The following TRIM38 variants were observed in gnomAD, a reference collection of about 807,000 sequenced individuals.
TRIM38 encodes the protein E3 ubiquitin-protein ligase TRIM38.
In TRIM38, 35 loss-of-function variants were observed where a neutral mutation model predicts 35.8. The ratio of observed to expected loss-of-function variants is 0.98; its 90% CI spans 0.75 to 1.30. The LOEUF is 1.30. TRIM38 is among the 50% of genes most tolerant of loss of function. The probability of loss-of-function intolerance (pLI) is 0.00; values close to 1 mark genes in which losing one functional copy is unlikely to be tolerated. For missense variants in TRIM38, 545 were observed against 556.9 expected (o/e 0.98, Z 0.21); for synonymous variants, 198 against 204.7 (o/e 0.97, Z 0.28).
intron 4 of TRIM38, among the ~76,000 whole-genome samples, chr6:25,970,113 T>C (rs1760184712): frequency 6.6e-6 from 1 of 152,000 alleles, no homozygotes; most frequent in African/African-American, 2.4e-5. Context: ...AGACGGGGTT[T>C]CACCATGTTG....
At chr6:25,963,646 T>C (rs532097533) in intron 2 of TRIM38, among the ~76,000 whole-genome samples, 199 of 152,290 alleles carry the variant, frequency 1.3e-3, no homozygotes, top group African/African-American at 4.6e-3. Context: ...CCCATAGAAA[T>C]AACTGCTCCT....
rs764238225 is a variant in TRIM38 at position 25,966,570 on chromosome 6, C to CT, written c.49dup (p.Ser17PhefsTer29). On this transcript the variant is annotated frameshift_variant, in exon 3 of 8. Transcript: ENST00000357085. LOFTEE classifies it high-confidence loss of function. ...AGAAGATGATGGAGGAAGCCACCTG[C>CT]TCCATCTGCCTGAGCCTGATGACGA... 3.7e-6 allele frequency: 6 copies of CT among 1,613,960 alleles called. No individual in the cohort carries two copies. The South Asian group carries it at 6.6e-5, about 18-fold the overall frequency.
intron 5 of TRIM38, 130 bp downstream of exon 5, chr6:25,972,229 C>T: frequency 1.2e-6 from 1 of 807,436 alleles, no homozygotes; most frequent in Non-Finnish European, 1.9e-6. Context: ...GGCTGGCCTT[C>T]ACTAATTTAT....
chr6:25,983,058 C>T, intron 7 of TRIM38, 106 bp from the exon 8 acceptor site: 3 of 1,170,474 alleles, frequency 2.6e-6, no homozygotes, highest in Non-Finnish European at 3.5e-6. Flanking sequence ...CAGTGCACTC[C>T]AGCCTGGGTG....
In TRIM38 at chr6:25,985,370, C is replaced by T. The variant is rs1238568215; in HGVS notation, c.*1683C>T. The T allele has an allele frequency of 6.7e-6, 1 of 150,328 alleles. No homozygotes were observed. The highest frequency in any genetic ancestry group is 1.5e-5 in the Non-Finnish European group (1 of 67,792). The allele number at this position is 150,328 out of a possible 1,614,324, so 9.3% of individuals were successfully genotyped here. ...TGCACTAGAAACTCAAAGTCCTTTT[C>T]GTCTTCCTTGTCACTTAAAAAATGT... is the stretch of plus-strand genomic sequence containing the variant. On this transcript the variant is annotated 3_prime_UTR_variant, in exon 8 of 8. Coordinates refer to ENST00000357085, the MANE Select transcript of TRIM38 (RefSeq NM_006355.5).
chr6:25,975,682 G>A, intron 7 of TRIM38: 1 of 977,932 alleles, frequency 1.0e-6, no homozygotes, highest in Non-Finnish European at 1.2e-6. Context: ...TCTAGGTAGG[G>A]TGATCTATAT....
intron 3 of TRIM38, among the ~76,000 whole-genome samples, chr6:25,968,988 G>A (rs1424987218): frequency 6.6e-6 from 1 of 152,208 alleles, no homozygotes; most frequent in Non-Finnish European, 1.5e-5. Context: ...CTCTAGTGGT[G>A]GACATAGCTC....
intron 2 of TRIM38, among the ~76,000 whole-genome samples, chr6:25,963,708 G>A (rs1759923528): frequency 6.6e-6 from 1 of 152,090 alleles, no homozygotes; most frequent in Non-Finnish European, 1.5e-5. Context: ...TATTCCCTCA[G>A]TTTAGGGAGA....
Position 25,971,938 on chromosome 6 carries a change from G to A in TRIM38, c.577G>A (p.Glu193Lys), listed in dbSNP as rs1436910564. 1 of 1,614,156 alleles carries A rather than the reference G, an allele frequency of 6.2e-7. No individual in the cohort carries two copies. The highest frequency in any genetic ancestry group is 8.5e-7 in the Non-Finnish European group (1 of 1,180,020). The change falls in exon 5 of 8, where the codon GAA becomes AAA. Residue 193 changes from glutamate (E) to lysine (K), a missense_variant. Coordinates refer to ENST00000357085, the MANE Select transcript of TRIM38 (RefSeq NM_006355.5). The part of the protein sequence containing the change: ...FKNLQCFLHE[E>K]EKSYLWRLEK... ...GAATCTCCAGTGTTTCCTACATGAG[G>A]AAGAGAAGTCTTATCTCTGGAGGCT...
chr6:25,969,254 T>C (rs1022674763), intron 3 of TRIM38, 71 bp from the exon 4 acceptor site: 27 of 1,105,664 alleles, frequency 2.4e-5, no homozygotes, highest in South Asian at 2.1e-4. Flanking sequence ...TCTTAGAAGA[T>C]TGGGATTCCC....
rs1760762634 is a variant in TRIM38 at position 25,988,095 on chromosome 6, C to CCT, written c.*4411_*4412dup. On this transcript the variant is annotated 3_prime_UTR_variant, in exon 8 of 8. Coordinates refer to ENST00000357085, the MANE Select transcript of TRIM38 (RefSeq NM_006355.5). ...ACAACAGGACATTATCGACTTCTTTCCTCTGTACCTACTCCGAAGTTACCA... is the reference window on the plus strand; with the variant it reads ...ACAACAGGACATTATCGACTTCTTTCCTCTCTGTACCTACTCCGAAGTTACCA... 6.6e-6 allele frequency: 1 copy of CCT among 152,216 alleles called. No homozygotes were observed. The highest frequency in any genetic ancestry group is 1.5e-5 in the Non-Finnish European group (1 of 68,052). 9.4% of individuals were successfully genotyped at this position (152,216 alleles called of 1,614,324 possible).
At chr6:25,967,078 G>T in intron 3 of TRIM38, 145 bp downstream of exon 3, 1 of 938,646 alleles carries the variant, frequency 1.1e-6, no homozygotes, top group Non-Finnish European at 1.5e-6. Context: ...AGTTTATGAT[G>T]ATTTCTTGCT....
At position 25,986,233 on chromosome 6, in the gene TRIM38, CACTT is replaced by C. The variant is rs1276067385; in HGVS notation, c.*2549_*2552del. The C allele has an allele frequency of 1.3e-5, 2 of 152,120 alleles. No individual in the cohort carries two copies. Among genetic ancestry groups the C allele is most frequent in the African/African-American group, 4.8e-5 (2 of 41,418 alleles). The allele number at this position is 152,120 out of a possible 1,614,324, so 9.4% of individuals were successfully genotyped here. A position where few individuals can be genotyped will look rare whatever the true frequency, so the allele number is the denominator to read the frequency against. ...TGATAAATACAAAATGAAATTCAGA[CACTT>C]ACAGAGCAGCCAGGCATGGTGGCTC... On this transcript the variant is annotated 3_prime_UTR_variant, in exon 8 of 8. Transcript: ENST00000357085.
At position 25,990,008 on chromosome 6, in the gene TRIM38, C is replaced by CTTTTTTTTTTTTTTTTTTTTTCTTT. The variant is rs56248041; in HGVS notation, c.*6334_*6335insTTTTTTTTCTTTTTTTTTTTTTTTT. The CTTTTTTTTTTTTTTTTTTTTTCTTT allele has an allele frequency of 7.0e-6, 1 of 143,504 alleles. No homozygotes were observed. 8.9% of individuals were successfully genotyped at this position (143,504 alleles called of 1,614,324 possible). ...TTTCAATATTGTCTACTTTATCATC[C>CTTTTTTTTTTTTTTTTTTTTTCTTT]TTTTTTTTTTTTTCTTTCTTCCTTT... On this transcript the variant is annotated 3_prime_UTR_variant, in exon 8 of 8. Coordinates refer to ENST00000357085, the MANE Select transcript of TRIM38 (RefSeq NM_006355.5).
At position 25,986,372 on chromosome 6, in the gene TRIM38, C is replaced by T. The variant is rs2113629329; in HGVS notation, c.*2685C>T. ...CCATCTCTAAAAGAAAAGAAATTAG[C>T]TGGGCATGGTGGCATGTGCCTTAGT... On this transcript the variant is annotated 3_prime_UTR_variant, in exon 8 of 8. Coordinates refer to ENST00000357085, the MANE Select transcript of TRIM38 (RefSeq NM_006355.5). The T allele has an allele frequency of 6.6e-6, 1 of 152,084 alleles. No individual in the cohort carries two copies. The highest frequency in any genetic ancestry group is 1.9e-4 in the East Asian group (1 of 5,188). 9.4% of individuals were successfully genotyped at this position (152,084 alleles called of 1,614,324 possible).
In TRIM38 at chr6:25,966,572, C is replaced by A; in HGVS notation, c.50C>A (p.Ser17Tyr). The A allele has an allele frequency of 6.2e-7, 1 of 1,613,996 alleles. No individual in the cohort carries two copies. Among genetic ancestry groups the A allele is most frequent in the Non-Finnish European group, 8.5e-7 (1 of 1,179,936 alleles). Residue 17 changes from serine (S) to tyrosine (Y), a missense_variant, in exon 3 of 8, where the codon TCC (serine) becomes TAC (tyrosine). Coordinates refer to ENST00000357085, the MANE Select transcript of TRIM38 (RefSeq NM_006355.5). ...TKKMMEEATC[S>Y]ICLSLMTNPV... ...AAGATGATGGAGGAAGCCACCTGCT[C>A]CATCTGCCTGAGCCTGATGACGAAC...
chr6:25,978,872 T>C (rs531914232), intron 7 of TRIM38, among the ~76,000 whole-genome samples: 34 of 152,278 alleles, frequency 2.2e-4, no homozygotes, highest in African/African-American at 7.0e-4. Context: ...TTGGCCATAT[T>C]GACCAGGCTG....
intron 7 of TRIM38, chr6:25,975,299 T>A: frequency 8.4e-6 from 2 of 238,566 alleles, no homozygotes; most frequent in Non-Finnish European, 1.4e-5. Context: ...AGCCTCTGCC[T>A]CCTGGGTTCC....
At chr6:25,980,562 A>G (rs1200853369) in intron 7 of TRIM38, among the ~76,000 whole-genome samples, 1 of 152,122 alleles carries the variant, frequency 6.6e-6, no homozygotes, top group African/African-American at 2.4e-5. Flanking sequence ...CTGGGATTAC[A>G]GGCATGTGCC....
Sources: allele counts gnomAD v4.1 joint callset (sites outside exome capture counted in the v4.1 genomes callset), GRCh38; gene constraint gnomAD v4.1.1; transcripts MANE v1.5; gene names NCBI Gene and HGNC (gene_info 2026-07-23, HGNC 2026-07-21).